Variants in BRI3BP observed in about 807,000 individuals in gnomAD.
The protein encoded by BRI3BP is BRI3-binding protein.
Under a neutral mutation model 15.8 loss-of-function variants are expected in BRI3BP, and 7 were observed. The ratio of observed to expected loss-of-function variants is 0.44; its 90% CI spans 0.25 to 0.83. BRI3BP has a LOEUF of 0.83. BRI3BP is among the 40% of genes least tolerant of loss of function. BRI3BP has a pLI of 0.20. For synonymous variants in BRI3BP, 192 were observed against 163.5 expected, an observed-to-expected ratio of 1.17 and a Z score of -1.33; for missense variants, 320 against 339.3, an observed-to-expected ratio of 0.94 and a Z score of 0.45.
intron 2 of BRI3BP, among the ~76,000 whole-genome samples, chr12:125,019,636 T>A (rs1298980923): frequency 2.5e-5 from 1 of 40,644 alleles, no homozygotes; most frequent in African/African-American, 6.1e-5. Flanking sequence ...AATTCCACCC[T>A]TTTTTTTTTT....
rs779513027 is a variant in BRI3BP at position 125,018,507 on chromosome 12, G to A, written c.316+5871G>A. 1.2e-3 allele frequency among the ~76,000 whole-genome samples: 178 copies of A among 152,208 alleles called. 2 individuals carry two copies. Among genetic ancestry groups the A allele is most frequent in the Non-Finnish European group, 9.4e-4 (64 of 68,022 alleles). Reference sequence around the variant, plus strand: ...GGCCACGTGAAGGCAGAGTAAGAGAGAGGAGTGTGTCTGGCAGTCACGGAG... The same window carrying A: ...GGCCACGTGAAGGCAGAGTAAGAGAAAGGAGTGTGTCTGGCAGTCACGGAG... On this transcript the variant is annotated intron_variant, in intron 2 of 2. Coordinates refer to ENST00000341446, the MANE Select transcript of BRI3BP (RefSeq NM_080626.6).
chr12:125,031,508 G>T (rs909098466), downstream of BRI3BP, among the ~76,000 whole-genome samples: 1 of 151,090 alleles, frequency 6.6e-6, no homozygotes, highest in African/African-American at 2.4e-5. Flanking sequence ...ACAGTGATGC[G>T]TGCCTCTCCA....
At position 125,025,392 on chromosome 12, in the gene BRI3BP, C is replaced by G. The variant is rs751734042; in HGVS notation, c.718C>G (p.Arg240Gly). 1.2e-6 allele frequency: 2 copies of G among 1,609,336 alleles called. No homozygotes were observed. The highest frequency in any genetic ancestry group is 1.7e-6 in the Non-Finnish European group (2 of 1,177,662). ...CAGACTGCTCAACATCCGTCTCAAC[C>G]GGGTGCTCGAGAGCCTGGACCGCTC... ...QVRLLNIRLNRVLESLDRSKD... is the reference protein window; with the variant it reads ...QVRLLNIRLNGVLESLDRSKD... Residue 240 changes from arginine to glycine, a missense_variant, in exon 3 of 3, where the codon CGG becomes GGG. Coordinates refer to ENST00000341446, the MANE Select transcript of BRI3BP (RefSeq NM_080626.6).
At position 125,018,671 on chromosome 12, in the gene BRI3BP, C is replaced by CT. The variant is rs1035589414; in HGVS notation, c.316+6053dup. Among the ~76,000 whole-genome samples, 1,211 of 136,402 alleles carry CT rather than the reference C, an allele frequency of 8.9e-3. 10 individuals carry two copies. Among genetic ancestry groups the CT allele is most frequent in the Middle Eastern group, 0.03 (8 of 266 alleles). 89.5% of individuals were successfully genotyped at this position (136,402 alleles called of 152,430 possible). A position where few individuals can be genotyped will look rare whatever the true frequency, so the allele number is the denominator to read the frequency against. ...CAAACTGAGAGAATAAACTTCTGTT[C>CT]TTTTTTTTTTTTTTTTTTCTTTTCT... On this transcript the variant is annotated intron_variant, in intron 2 of 2. Coordinates refer to ENST00000341446, the MANE Select transcript of BRI3BP (RefSeq NM_080626.6).
At chr12:125,048,095 G>T in the BRI3BP span, among the ~76,000 whole-genome samples, 1 of 151,960 alleles carries the variant, frequency 6.6e-6, no homozygotes, top group African/African-American at 2.4e-5. Flanking sequence ...AGTTGAGTTG[G>T]GTTGGGTGGT....
At chr12:125,008,140 C>G (rs1386023785) in intron 1 of BRI3BP, among the ~76,000 whole-genome samples, 1 of 151,930 alleles carries the variant, frequency 6.6e-6, no homozygotes, top group Non-Finnish European at 1.5e-5. Context: ...CCACCACACT[C>G]TGAGAACCAC....
intron 2 of BRI3BP, among the ~76,000 whole-genome samples, chr12:125,012,977 G>A (rs759899828): frequency 6.6e-5 from 10 of 152,136 alleles, no homozygotes; most frequent in Admixed American, 2.0e-4. Context: ...CCATCCACTT[G>A]GGAGGCTGAG....
the BRI3BP span, among the ~76,000 whole-genome samples, chr12:125,036,383 AT>A: frequency 6.6e-6 from 1 of 150,600 alleles, no homozygotes; most frequent in Non-Finnish European, 1.5e-5. Context: ...TATTTTATTT[AT>A]TTATTATTAT....
At chr12:125,000,016 C>CTTTTTT (rs66571863) in intron 1 of BRI3BP, among the ~76,000 whole-genome samples, 2 of 40,712 alleles carry the variant, frequency 4.9e-5, no homozygotes, top group Admixed American at 3.5e-4. Flanking sequence ...TTTGGTTTTT[C>CTTTTTT]TTTTTTTTTT....
chr12:125,049,489 C>T, the BRI3BP span, among the ~76,000 whole-genome samples: 1 of 151,420 alleles, frequency 6.6e-6, no homozygotes, highest in Non-Finnish European at 1.5e-5. Context: ...AGAAGTCAAG[C>T]TAGAGGTCGT....
chr12:125,004,909 G>C (rs1352657618), intron 1 of BRI3BP, among the ~76,000 whole-genome samples: 2 of 152,054 alleles, frequency 1.3e-5, no homozygotes, highest in African/African-American at 4.8e-5. Flanking sequence ...GAAGTGGTGT[G>C]ATCTCTGCTC....
At chr12:125,041,750 G>T in the BRI3BP span, among the ~76,000 whole-genome samples, 1 of 152,336 alleles carries the variant, frequency 6.6e-6, no homozygotes, top group Non-Finnish European at 1.5e-5. Context: ...TGACTAGTGT[G>T]CAGTGGCATG....
At chr12:125,024,267 C>G (rs1188596746) in intron 2 of BRI3BP, among the ~76,000 whole-genome samples, 4 of 133,496 alleles carry the variant, frequency 3.0e-5, no homozygotes, top group Admixed American at 7.6e-5. Context: ...AACCCCCCCC[C>G]CTCCACTGTC....
At chr12:125,017,355 A>G (rs966047573) in intron 2 of BRI3BP, among the ~76,000 whole-genome samples, 5 of 148,944 alleles carry the variant, frequency 3.4e-5, no homozygotes, top group Non-Finnish European at 7.4e-5. Flanking sequence ...GGGTTTTGCC[A>G]TGTTGCCCAG....
At chr12:125,022,833 C>T (rs938128160) in intron 2 of BRI3BP, among the ~76,000 whole-genome samples, 1 of 152,042 alleles carries the variant, frequency 6.6e-6, no homozygotes, top group Non-Finnish European at 1.5e-5. Flanking sequence ...TGTTAATATT[C>T]TTAGAATGAT....
chr12:125,007,403 G>T (rs1955154327), intron 1 of BRI3BP, among the ~76,000 whole-genome samples: 1 of 152,098 alleles, frequency 6.6e-6, no homozygotes, highest in African/African-American at 2.4e-5. Flanking sequence ...ACAAAAACTA[G>T]CCAGGCTTGG....
intron 1 of BRI3BP, among the ~76,000 whole-genome samples, chr12:124,995,567 C>T (rs766195270): frequency 1.3e-5 from 2 of 152,174 alleles, no homozygotes; most frequent in Non-Finnish European, 2.9e-5. Flanking sequence ...GGCAGAGCAT[C>T]TCCGAATCTG....
At chr12:124,998,123 T>A (rs1174198644) in intron 1 of BRI3BP, among the ~76,000 whole-genome samples, 1 of 54,456 alleles carries the variant, frequency 1.8e-5, no homozygotes, top group East Asian at 1.2e-3. Flanking sequence ...AAACTCCGTC[T>A]CAAAAAAAAA....
At chr12:125,036,074 GT>G (rs61456596), downstream of BRI3BP, among the ~76,000 whole-genome samples, 144,321 of 146,966 alleles carry the variant, frequency 0.98, 70,910 homozygotes, top group South Asian at 1. Flanking sequence ...TTTGTTTTTT[GT>G]TTTTTTTTGA....
Sources: gnomAD v4.1 joint callset for allele counts (sites outside exome capture counted in the v4.1 genomes callset) on GRCh38, gnomAD v4.1.1 for gene constraint, MANE v1.5 for transcripts, NCBI Gene and HGNC (gene_info 2026-07-23, HGNC 2026-07-21) for gene names.